The following CTNNA3 variants were observed in gnomAD, a reference collection of about 807,000 sequenced individuals.
CTNNA3 encodes the protein catenin alpha 3, also known as catenin alpha-3.
Under a neutral mutation model 95.7 loss-of-function variants are expected in CTNNA3, and 76 were observed. The observed-to-expected ratio is 0.79, with a 90% CI of 0.66 to 0.96. The LOEUF is 0.96. Among genes scored for constraint, CTNNA3 ranks in the 40% least tolerant of loss-of-function variants. CTNNA3 has a pLI of 0.00. For synonymous variants in CTNNA3, 431 were observed against 374.4 expected (o/e 1.15, Z -1.74); for missense variants, 1,191 against 1,089.8 (o/e 1.09, Z -1.31).
chr10:66,184,938 C>G (rs2086251231), intron 13 of CTNNA3, among the ~76,000 whole-genome samples: 1 of 152,128 alleles, frequency 6.6e-6, no homozygotes, highest in African/African-American at 2.4e-5. Context: ...CAGAACAACA[C>G]TGTTATGCCA....
chr10:66,537,276 C>A (rs1429973138), intron 10 of CTNNA3, among the ~76,000 whole-genome samples: 5 of 152,072 alleles, frequency 3.3e-5, no homozygotes, highest in Admixed American at 6.6e-5. Context: ...GTCAGGATTG[C>A]AATTACAGTC....
intron 9 of CTNNA3, among the ~76,000 whole-genome samples, chr10:66,753,734 TA>T (rs199957413): frequency 6.7e-6 from 1 of 149,904 alleles, no homozygotes. Context: ...TACACTGCAA[TA>T]AAAAAATCTG....
intron 15 of CTNNA3, among the ~76,000 whole-genome samples, chr10:66,058,470 T>C (rs553075465): frequency 1.3e-5 from 2 of 152,274 alleles, no homozygotes; most frequent in African/African-American, 4.8e-5. Flanking sequence ...AGGATTCTTT[T>C]TGATGATGAA....
intron 2 of CTNNA3, among the ~76,000 whole-genome samples, chr10:67,632,064 T>C (rs574470781): frequency 1.3e-5 from 2 of 151,792 alleles, no homozygotes; most frequent in South Asian, 4.2e-4. Context: ...ATGGTGACTA[T>C]AGTTAACATA....
intron 5 of CTNNA3, among the ~76,000 whole-genome samples, chr10:67,434,630 T>C (rs942077871): frequency 2.0e-5 from 3 of 151,944 alleles, no homozygotes; most frequent in African/African-American, 7.2e-5. Flanking sequence ...AATTGCTCAA[T>C]TAGACTCAAA....
chr10:67,243,298 A>G (rs1239428636), intron 5 of CTNNA3, among the ~76,000 whole-genome samples: 2 of 152,234 alleles, frequency 1.3e-5, no homozygotes, highest in East Asian at 3.9e-4. Context: ...GGTAAGGTCT[A>G]TTATTACACT....
At chr10:67,349,714 A>G (rs533041752) in intron 5 of CTNNA3, among the ~76,000 whole-genome samples, 2 of 152,294 alleles carry the variant, frequency 1.3e-5, no homozygotes, top group East Asian at 1.9e-4. Flanking sequence ...ATGTTTTACA[A>G]CAATAAAATA....
chr10:66,009,988 G>A (rs2078973253), intron 15 of CTNNA3, among the ~76,000 whole-genome samples: 1 of 152,074 alleles, frequency 6.6e-6, no homozygotes, highest in Admixed American at 6.6e-5. Context: ...GGTTCTATTA[G>A]GTATTTCCAA....
At chr10:67,072,723 GA>G (rs1243623439) in intron 7 of CTNNA3, among the ~76,000 whole-genome samples, 1 of 152,118 alleles carries the variant, frequency 6.6e-6, no homozygotes, top group Non-Finnish European at 1.5e-5. Flanking sequence ...TTCTCTTTCA[GA>G]AGTTTTCAGC....
intron 11 of CTNNA3, among the ~76,000 whole-genome samples, chr10:66,429,052 T>TA (rs1329990653): frequency 1.6e-4 from 24 of 151,712 alleles, no homozygotes; most frequent in African/African-American, 3.9e-4. Context: ...ATAGATGCAA[T>TA]AAAAAATGAT....
chr10:66,888,917 C>A (rs534622448), intron 7 of CTNNA3, among the ~76,000 whole-genome samples: 2 of 152,148 alleles, frequency 1.3e-5, no homozygotes, highest in Admixed American at 6.5e-5. Flanking sequence ...AACCTACACA[C>A]GGATGTGTAT....
At chr10:67,457,522 C>T (rs1847218976) in intron 5 of CTNNA3, among the ~76,000 whole-genome samples, 1 of 152,168 alleles carries the variant, frequency 6.6e-6, no homozygotes, top group East Asian at 1.9e-4. Context: ...AAAAAATATC[C>T]ATTTCTGAAT....
intron 14 of CTNNA3, among the ~76,000 whole-genome samples, chr10:66,089,182 C>T (rs3843583): frequency 1 from 151,952 of 151,976 alleles, 75,964 homozygotes; most frequent in Non-Finnish European, 1. Flanking sequence ...ATATTTACTC[C>T]TTTTTATCTA....
intron 9 of CTNNA3, among the ~76,000 whole-genome samples, chr10:66,690,153 T>C (rs533100444): frequency 4.2e-4 from 64 of 152,184 alleles, no homozygotes; most frequent in African/African-American, 1.4e-3. Flanking sequence ...GGAGTATGCA[T>C]GTATATGTGT....
intron 1 of CTNNA3, among the ~76,000 whole-genome samples, chr10:67,672,247 T>C (rs1471651916): frequency 6.6e-6 from 1 of 152,228 alleles, no homozygotes; most frequent in Non-Finnish European, 1.5e-5. Context: ...TCATTGTAGA[T>C]TCTGGGTATT....
chr10:67,428,219 C>T (rs1237448349), intron 5 of CTNNA3, among the ~76,000 whole-genome samples: 4 of 151,920 alleles, frequency 2.6e-5, no homozygotes. Flanking sequence ...CAATTGGCAT[C>T]CTAGGTAAGT....
intron 7 of CTNNA3, among the ~76,000 whole-genome samples, chr10:66,947,694 TA>T (rs1848344182): frequency 1.3e-5 from 2 of 152,226 alleles, no homozygotes; most frequent in African/African-American, 4.8e-5. Flanking sequence ...TGTTTTCAAA[TA>T]TTTTTTTCTT....
intron 7 of CTNNA3, among the ~76,000 whole-genome samples, chr10:66,848,165 T>C (rs1327737929): frequency 6.6e-6 from 1 of 152,146 alleles, no homozygotes; most frequent in African/African-American, 2.4e-5. Context: ...TAGACTTAGG[T>C]GAATGATTTT....
intron 5 of CTNNA3, among the ~76,000 whole-genome samples, chr10:67,267,801 G>C (rs1293715662): frequency 2.0e-5 from 3 of 152,000 alleles, no homozygotes; most frequent in Non-Finnish European, 4.4e-5. Flanking sequence ...CTGGAACATG[G>C]GACAGCTATT....
Sources: allele counts gnomAD v4.1 joint callset (sites outside exome capture counted in the v4.1 genomes callset), GRCh38; gene constraint gnomAD v4.1.1; transcripts MANE v1.5; gene names NCBI Gene and HGNC (gene_info 2026-07-23, HGNC 2026-07-21).